Variants in PPP4R1 observed in about 807,000 individuals in gnomAD.
PPP4R1 encodes serine/threonine-protein phosphatase 4 regulatory subunit 1.
A neutral mutation model predicts 111.2 loss-of-function variants in PPP4R1; 42 were observed. That is an observed-to-expected ratio of 0.38 (90% CI 0.29 to 0.49). PPP4R1 has a LOEUF of 0.49. Among genes scored for constraint, PPP4R1 ranks in the 20% least tolerant of loss-of-function variants. The probability of loss-of-function intolerance (pLI) is 0.97; values close to 1 mark genes in which losing one functional copy is unlikely to be tolerated. For synonymous variants in PPP4R1, 409 were observed against 405.5 expected, an observed-to-expected ratio of 1.01 and a Z score of -0.10; for missense variants, 1,012 against 1,161.6, an observed-to-expected ratio of 0.87 and a Z score of 1.87.
At position 9,583,201 on chromosome 18, in the gene PPP4R1, C is replaced by T. The variant is rs372664521; in HGVS notation, c.834G>A (p.Ala278=). The T allele has an allele frequency of 8.9e-5, 144 of 1,611,002 alleles. 1 individual carries two copies. In the East Asian group the frequency reaches 1.1e-3, roughly 12 times the overall value. ...VRKACAECFM[A]VSCATCQEIR... The stretch of plus-strand genomic sequence containing the variant: ...TTTCTTGACATGTTGCACATGAAAC[C>T]GCCATGAAGCATTCAGCACAAGCCT... The change falls in exon 9 of 20, where the codon GCG becomes GCA. Residue 278 remains alanine (A), a synonymous_variant. Transcript: ENST00000400556.
intron 11 of PPP4R1, among the ~76,000 whole-genome samples, chr18:9,568,532 C>T (rs1372570064): frequency 6.6e-6 from 1 of 152,140 alleles, no homozygotes; most frequent in Non-Finnish European, 1.5e-5. Context: ...TATGTATGTA[C>T]ATGTAAGTCT....
chr18:9,583,143 T>A lies in PPP4R1; in HGVS notation c.892A>T (p.Asn298Tyr), dbSNP rs2067057942. 5.6e-6 allele frequency: 9 copies of A among 1,610,436 alleles called. No individual in the cohort carries two copies. Among genetic ancestry groups the A allele is most frequent in the Non-Finnish European group, 7.6e-6 (9 of 1,177,668 alleles). The change falls in exon 9 of 20, where the codon AAT becomes TAT. Residue 298 changes from asparagine to tyrosine, a missense_variant. Physicochemically the swap from Asn to Tyr is moderately radical, Grantham distance 143. Around this residue, in one of 2 missense-constraint regions of PPP4R1, gnomAD observed 707 missense variants for 742.1 expected, o/e 0.95. Coordinates refer to ENST00000400556, the MANE Select transcript of PPP4R1 (RefSeq NM_001042388.3). ...CAACGTGAAGGATCACTGATCAAATTAATAAAAAGTGCTGATAATTTGGTC... is the reference window on the plus strand; with the variant it reads ...CAACGTGAAGGATCACTGATCAAATAAATAAAAAGTGCTGATAATTTGGTC... ...RRTKLSALFINLISDPSRWVR... is the reference protein window; with the variant it reads ...RRTKLSALFIYLISDPSRWVR...
rs376982325 is a variant in PPP4R1 at position 9,555,648 on chromosome 18, C to T, written c.2190+1573G>A. Among the ~76,000 whole-genome samples, 10 of 152,186 alleles carry T rather than the reference C, an allele frequency of 6.6e-5. No homozygotes were observed. The South Asian group carries it at 2.1e-3, about 32-fold the overall frequency. On this transcript the variant is annotated intron_variant, in intron 15 of 19. Transcript: ENST00000400556. ...GGTTAACATGTCTGCAAAAAAACCC[C>T]GCTTACTCAGAATCAAATTGTGTAA... is the stretch of plus-strand genomic sequence containing the variant.
At chr18:9,601,558 T>G (rs2067383134) in intron 2 of PPP4R1, among the ~76,000 whole-genome samples, 1 of 152,038 alleles carries the variant, frequency 6.6e-6, no homozygotes, top group African/African-American at 2.4e-5. Flanking sequence ...TAAAAAGTGA[T>G]CTCAGCTCAC....
Position 9,563,720 on chromosome 18 carries a change from AG to A in PPP4R1, c.1574-171del, listed in dbSNP as rs554235581. 3.2e-3 allele frequency: 1,641 copies of A among 510,208 alleles called. 5 individuals are homozygous for A. The highest frequency in any genetic ancestry group is 3.5e-3 in the Non-Finnish European group (1,061 of 300,486). 31.6% of individuals were successfully genotyped at this position (510,208 alleles called of 1,614,324 possible). On this transcript the variant is annotated intron_variant, in intron 11 of 19. Coordinates refer to ENST00000400556, the MANE Select transcript of PPP4R1 (RefSeq NM_001042388.3). The stretch of plus-strand genomic sequence containing the variant: ...TGTGGTAAATCATTAGTCCTTCAAG[AG>A]AAAAAGTAGAAAACTAATATGCTTT...
intron 11 of PPP4R1, among the ~76,000 whole-genome samples, chr18:9,569,936 GATGGGGTCTTACT>G (rs1598911740): frequency 6.6e-6 from 1 of 152,030 alleles, no homozygotes; most frequent in Admixed American, 6.6e-5. Context: ...TTTTTGTAGA[GATGGGGTCTTACT>G]ATGTTGCCCA....
intron 11 of PPP4R1, among the ~76,000 whole-genome samples, chr18:9,566,171 A>G (rs2066761925): frequency 6.6e-6 from 1 of 151,104 alleles, no homozygotes; most frequent in Non-Finnish European, 1.5e-5. Flanking sequence ...TCGGCCTCCC[A>G]AAGTTCTGGG....
intron 11 of PPP4R1, 125 bp from the exon 12 acceptor site, chr18:9,563,675 AG>A: frequency 1.1e-6 from 1 of 911,146 alleles, no homozygotes; most frequent in Non-Finnish European, 1.5e-6. Context: ...GCAATCAAAA[AG>A]CTGGAAAAAA....
Position 9,559,457 on chromosome 18 carries a change from G to A in PPP4R1, c.1990C>T (p.Leu664=). 3 of 1,613,592 alleles carry A rather than the reference G, an allele frequency of 1.9e-6. No homozygotes were observed. The highest frequency in any genetic ancestry group is 2.2e-5 in the East Asian group (1 of 44,884). The change falls in exon 14 of 20, where the codon CTG becomes TTG. Residue 664 remains leucine, a synonymous_variant. Coordinates refer to ENST00000400556, the MANE Select transcript of PPP4R1 (RefSeq NM_001042388.3). ...LTLGRQNWHC[L]RETYETLASD... is the part of the protein sequence containing the mutation. ...GCCAGAGTCTCATACGTCTCTCTCA[G>A]GCAGTGCCAATTCTGTCTTCCGAGT... is the stretch of plus-strand genomic sequence containing the variant.
chr18:9,606,856 T>C (rs1041808881), intron 2 of PPP4R1, among the ~76,000 whole-genome samples: 1 of 152,092 alleles, frequency 6.6e-6, no homozygotes, highest in Admixed American at 6.6e-5. Context: ...CTCCCAAATA[T>C]TATAGATATT....
chr18:9,580,424 A>G (rs1195047148), intron 9 of PPP4R1, among the ~76,000 whole-genome samples: 3 of 149,846 alleles, frequency 2.0e-5, no homozygotes, highest in Non-Finnish European at 4.4e-5. Flanking sequence ...ATCTCGGCTC[A>G]CTGCAAGCTC....
intron 9 of PPP4R1, among the ~76,000 whole-genome samples, chr18:9,581,584 C>G (rs1170138725): frequency 6.6e-6 from 1 of 151,728 alleles, no homozygotes; most frequent in Non-Finnish European, 1.5e-5. Context: ...GAAATGTGGG[C>G]CATCATTAAG....
chr18:9,590,592 G>A (rs2067194550), intron 4 of PPP4R1, among the ~76,000 whole-genome samples: 1 of 152,066 alleles, frequency 6.6e-6, no homozygotes, highest in African/African-American at 2.4e-5. Context: ...GGGGAATAAA[G>A]CCCAGAAACA....
chr18:9,588,884 T>G (rs780655447), intron 4 of PPP4R1, 31 bp from the exon 5 acceptor site: 1 of 1,605,692 alleles, frequency 6.2e-7, no homozygotes, highest in Admixed American at 1.7e-5. Context: ...TGAGCAAACA[T>G]GTTCTCCTGC....
chr18:9,549,414 C>CT (rs2066452722), intron 18 of PPP4R1, 76 bp from the exon 19 acceptor site: 2 of 1,530,298 alleles, frequency 1.3e-6, no homozygotes, highest in Admixed American at 3.7e-5. Context: ...AACAAAATCT[C>CT]TGAGTGACCA....
In PPP4R1 at chr18:9,614,357, G is replaced by A; in HGVS notation, c.8-87C>T. 3 of 814,648 alleles carry A rather than the reference G, an allele frequency of 3.7e-6. No individual in the cohort carries two copies. Among genetic ancestry groups the A allele is most frequent in the Non-Finnish European group, 4.5e-6 (3 of 671,664 alleles). 50.5% of individuals were successfully genotyped at this position (814,648 alleles called of 1,614,324 possible). On this transcript the variant is annotated intron_variant, in intron 1 of 19. Transcript: ENST00000400556. The surrounding 1 kb of genome is among the most constrained non-coding windows in gnomAD (Gnocchi z 4.1). ...CCCCCGCCCGCCTCCCCCCCGCCCC[G>A]GGGGCGCCTTCCCGCGCCGGGACCC...
chr18:9,570,444 T>A lies in PPP4R1; in HGVS notation c.1286A>T (p.Asn429Ile), dbSNP rs576638969. The A allele has an allele frequency of 5.0e-6, 8 of 1,614,224 alleles. No homozygotes were observed. The East Asian group carries it at 1.6e-4, about 31-fold the overall frequency. The change falls in exon 11 of 20, where the codon AAC (asparagine) becomes ATC (isoleucine). Residue 429 changes from asparagine to isoleucine, a missense_variant. This residue lies in a region of PPP4R1 where 707 missense variants were observed against 742.1 expected (regional missense o/e 0.95). Transcript: ENST00000400556. ...ASNENDKKPG[N>I]YKSMLRPEVG... Reference sequence around the variant, plus strand: ...CTCTGGTCGTAACATAGATTTGTAGTTACCAGGTTTTTTATCATTCTCATT... The same window carrying A: ...CTCTGGTCGTAACATAGATTTGTAGATACCAGGTTTTTTATCATTCTCATT...
intron 2 of PPP4R1, among the ~76,000 whole-genome samples, chr18:9,605,688 A>C (rs1568129044): frequency 6.6e-6 from 1 of 152,064 alleles, no homozygotes; most frequent in Non-Finnish European, 1.5e-5. Context: ...AAGGCTGAGA[A>C]ATTGTTCCAA....
intron 18 of PPP4R1, 69 bp downstream of exon 18, chr18:9,549,983 T>C (rs780600805): frequency 3.1e-6 from 5 of 1,596,606 alleles, no homozygotes; most frequent in Admixed American, 3.4e-5. Context: ...GAGAGAGAGG[T>C]AGGAAGTTAA....
Sources: allele counts gnomAD v4.1 joint callset (sites outside exome capture counted in the v4.1 genomes callset), GRCh38; gene constraint gnomAD v4.1.1; regional missense constraint gnomAD v4.1.1; non-coding constraint Gnocchi (gnomAD v3.1); transcripts MANE v1.5; gene names NCBI Gene and HGNC (gene_info 2026-07-23, HGNC 2026-07-21).